Variants in DPH6 observed in about 807,000 individuals in gnomAD.
DPH6 encodes the protein diphthine--ammonia ligase.
A neutral mutation model predicts 38.2 loss-of-function variants in DPH6; 33 were observed. That is an observed-to-expected ratio of 0.86 (90% CI 0.65 to 1.15). The LOEUF (loss-of-function observed/expected upper bound fraction) is 1.15, where lower values mean the gene tolerates loss of function less well. DPH6 is among the 50% of genes most tolerant of loss of function. DPH6 has a pLI of 0.00. For missense variants in DPH6, 325 were observed against 320.0 expected, an observed-to-expected ratio of 1.02 and a Z score of -0.12; for synonymous variants, 108 against 103.0, an observed-to-expected ratio of 1.05 and a Z score of -0.30.
At chr15:35,265,115 A>T (rs962444551) in intron 3 of DPH6, among the ~76,000 whole-genome samples, 5 of 152,214 alleles carry the variant, frequency 3.3e-5, no homozygotes, top group Admixed American at 1.3e-4. Flanking sequence ...CACACAAGCT[A>T]GCGGTCAGAA....
the DPH6 span, among the ~76,000 whole-genome samples, chr15:35,203,888 T>G: frequency 6.6e-6 from 1 of 151,728 alleles, no homozygotes; most frequent in Non-Finnish European, 1.5e-5. Context: ...ACCTTTAAAA[T>G]TCTACTTTTT....
intron 3 of DPH6, among the ~76,000 whole-genome samples, chr15:35,262,990 T>TGAAG (rs1480379964): frequency 3.9e-5 from 6 of 152,186 alleles, no homozygotes; most frequent in African/African-American, 1.4e-4. Flanking sequence ...TATTTAAGTC[T>TGAAG]GAAGGAATTA....
chr15:35,499,568 G>T (rs956081872), intron 3 of DPH6, among the ~76,000 whole-genome samples: 2 of 152,176 alleles, frequency 1.3e-5, no homozygotes, highest in African/African-American at 4.8e-5. Flanking sequence ...AAAGGAGGAA[G>T]ATAATGAGGG....
At chr15:35,360,593 T>C (rs1381137219) in intron 3 of DPH6, among the ~76,000 whole-genome samples, 3 of 152,186 alleles carry the variant, frequency 2.0e-5, no homozygotes, top group Non-Finnish European at 4.4e-5. Context: ...TGGGTAGCAC[T>C]GCCCCCAGGC....
chr15:35,314,840 G>C (rs2052174597), intron 3 of DPH6, among the ~76,000 whole-genome samples: 1 of 152,150 alleles, frequency 6.6e-6, no homozygotes, highest in Non-Finnish European at 1.5e-5. Context: ...ATGGGATTGT[G>C]ACATGCGATG....
rs113295924 is a variant in DPH6, at chr15:35,322,009, G to C, written n.200+51512C>G. On this transcript the variant is annotated intron_variant and non_coding_transcript_variant, in intron 3 of 3. Coordinates refer to the DPH6 transcript ENST00000560386. ...GGAAATGGGTGTTGCTGATTGGCTG[G>C]GGAAGAAATCACAAGGGTGTAGAAA... Among the ~76,000 whole-genome samples the C allele has an allele frequency of 3.1e-3, 476 of 152,258 alleles. 1 individual carries two copies. The highest frequency in any genetic ancestry group is 0.011 in the African/African-American group (461 of 41,554).
chr15:35,523,738 T>C (rs2054957964), intron 3 of DPH6, among the ~76,000 whole-genome samples: 1 of 152,108 alleles, frequency 6.6e-6, no homozygotes, highest in Non-Finnish European at 1.5e-5. Flanking sequence ...AAGGAGACTG[T>C]AACTATGGAT....
the DPH6 span, among the ~76,000 whole-genome samples, chr15:35,195,472 G>T: frequency 2.0e-5 from 3 of 152,132 alleles, no homozygotes; most frequent in Non-Finnish European, 4.4e-5. Context: ...TGCAAGCATT[G>T]AATCCATATT....
chr15:35,450,585 T>C, intron 5 of DPH6, 100 bp downstream of exon 5: 1 of 959,824 alleles, frequency 1.0e-6, no homozygotes. Flanking sequence ...CACATTTTTA[T>C]ATTCTAAATC....
At chr15:35,456,364 T>A (rs2053996499) in intron 3 of DPH6, among the ~76,000 whole-genome samples, 1 of 151,328 alleles carries the variant, frequency 6.6e-6, no homozygotes, top group Non-Finnish European at 1.5e-5. Context: ...GTACTAAATA[T>A]TATAGATGTA....
the DPH6 span, among the ~76,000 whole-genome samples, chr15:35,196,463 T>C: frequency 2.6e-5 from 4 of 152,152 alleles, no homozygotes; most frequent in East Asian, 7.7e-4. Flanking sequence ...GCCTCAGCTG[T>C]TTTGTGGGAG....
chr15:35,174,905 T>A, the DPH6 span, among the ~76,000 whole-genome samples: 1 of 151,694 alleles, frequency 6.6e-6, no homozygotes, highest in African/African-American at 2.4e-5. Flanking sequence ...TTATATGTAA[T>A]TTAAAAAATA....
At chr15:35,370,547 A>C (rs1170027538), downstream of DPH6, among the ~76,000 whole-genome samples, 2 of 151,838 alleles carry the variant, frequency 1.3e-5, no homozygotes, top group South Asian at 4.1e-4. Context: ...ACATCTCACC[A>C]AAGGAGATAC....
chr15:35,353,894 G>C (rs1023753408), intron 3 of DPH6, among the ~76,000 whole-genome samples: 26 of 152,262 alleles, frequency 1.7e-4, no homozygotes, highest in Middle Eastern at 3.4e-3. Context: ...TCACGATATT[G>C]ATTCTTCCTA....
At chr15:35,543,320 G>A (rs1345805938) in intron 1 of DPH6, among the ~76,000 whole-genome samples, 2 of 138,698 alleles carry the variant, frequency 1.4e-5, no homozygotes, top group South Asian at 2.3e-4. Context: ...AGCAGAACTA[G>A]GCTTGAGCTA....
At chr15:35,237,865 C>T (rs1449494930) in intron 3 of DPH6, 14 of 1,500,224 alleles carry the variant, frequency 9.3e-6, no homozygotes, top group East Asian at 6.8e-5. Context: ...AGGAGTATGA[C>T]GAAGATGCTC....
At chr15:35,434,813 G>A (rs745999975) in intron 5 of DPH6, among the ~76,000 whole-genome samples, 14 of 151,874 alleles carry the variant, frequency 9.2e-5, no homozygotes, top group South Asian at 2.1e-4. Flanking sequence ...CACTCTTGTC[G>A]CCCAGGCTGG....
chr15:35,319,088 C>T (rs2052217650), intron 3 of DPH6, among the ~76,000 whole-genome samples: 1 of 152,154 alleles, frequency 6.6e-6, no homozygotes, highest in African/African-American at 2.4e-5. Context: ...GTGAGAAATA[C>T]TCTGAATGTG....
chr15:35,330,897 G>C (rs2052322438), exon 4 of DPH6: 1 of 152,196 alleles, frequency 6.6e-6, no homozygotes, highest in African/African-American at 2.4e-5. Context: ...TTTATTTTCT[G>C]TTTTAAAAAG....
Sources: allele counts gnomAD v4.1 joint callset (sites outside exome capture counted in the v4.1 genomes callset), GRCh38; gene constraint gnomAD v4.1.1; transcripts MANE v1.5; gene names NCBI Gene and HGNC (gene_info 2026-07-23, HGNC 2026-07-21).